The following SPTLC1 variants were observed in gnomAD, a reference collection of about 807,000 sequenced individuals.
The protein encoded by SPTLC1 is serine palmitoyltransferase long chain base subunit 1.
A neutral mutation model predicts 68.9 loss-of-function variants in SPTLC1; 55 were observed. The ratio of observed to expected loss-of-function variants is 0.80; its 90% CI spans 0.64 to 1.00. The LOEUF is 1.00. Among genes scored for constraint, SPTLC1 ranks in the 50% least tolerant of loss-of-function variants. The probability of loss-of-function intolerance (pLI) is 0.00; values close to 1 mark genes in which losing one functional copy is unlikely to be tolerated. For missense variants in SPTLC1, 449 were observed against 573.1 expected, an observed-to-expected ratio of 0.78 and a Z score of 2.21; for synonymous variants, 197 against 201.6, an observed-to-expected ratio of 0.98 and a Z score of 0.19.
intron 12 of SPTLC1, among the ~76,000 whole-genome samples, chr9:92,044,696 CT>C (rs1386361730): frequency 2.0e-5 from 3 of 152,056 alleles, no homozygotes; most frequent in African/African-American, 4.8e-5. Context: ...GCACTCAGTC[CT>C]TAAAAAAAGG....
At chr9:92,079,317 C>A in intron 5 of SPTLC1, 1 of 1,176,880 alleles carries the variant, frequency 8.5e-7, no homozygotes, top group Non-Finnish European at 1.1e-6. Flanking sequence ...CTCAGGTGAT[C>A]TGCCTGCCTC....
chr9:92,075,402 T>C (rs1834647619), intron 5 of SPTLC1, among the ~76,000 whole-genome samples: 1 of 151,956 alleles, frequency 6.6e-6, no homozygotes, highest in African/African-American at 2.4e-5. Context: ...AACCCACAGA[T>C]CCTAAATCCT....
chr9:92,080,946 G>GT lies in SPTLC1; in HGVS notation c.277dup (p.Thr93AsnfsTer15), dbSNP rs746304060. The GT allele has an allele frequency of 8.1e-6, 13 of 1,614,044 alleles. No individual in the cohort carries two copies. The highest frequency in any genetic ancestry group is 1.0e-5 in the Non-Finnish European group (12 of 1,179,918). ...TATACATTCTTTTCCATTCACCACA[G>GT]TTTTGTGGCTTGGAGGGCTAGGGAA... On this transcript the variant is annotated frameshift_variant, in exon 4 of 15. Transcript: ENST00000262554. LOFTEE classifies it high-confidence loss of function.
chr9:92,087,516 C>A (rs1012875589), intron 3 of SPTLC1, among the ~76,000 whole-genome samples: 2 of 152,284 alleles, frequency 1.3e-5, no homozygotes, highest in African/African-American at 4.8e-5. Context: ...CACTCCAGAC[C>A]CTATTTGCCT....
intron 5 of SPTLC1, among the ~76,000 whole-genome samples, chr9:92,072,999 C>A (rs1834552766): frequency 6.6e-6 from 1 of 151,774 alleles, no homozygotes; most frequent in South Asian, 2.1e-4. Context: ...CCCCTCAGAA[C>A]CGAGTTCTAC....
intron 9 of SPTLC1, 111 bp downstream of exon 9, chr9:92,049,849 C>T (rs1833647754): frequency 2.3e-6 from 2 of 851,820 alleles, no homozygotes; most frequent in Admixed American, 1.8e-5. Flanking sequence ...TTTCGTGACC[C>T]TTCAAACTGA....
chr9:92,108,838 C>T lies in SPTLC1; in HGVS notation c.166-4G>A. 2.5e-6 allele frequency: 4 copies of T among 1,580,500 alleles called. No homozygotes were observed. The highest frequency in any genetic ancestry group is 1.1e-5 in the South Asian group (1 of 88,544). On this transcript the variant is annotated splice_region_variant and splice_polypyrimidine_tract_variant and intron_variant, in intron 2 of 14. Coordinates refer to ENST00000262554, the MANE Select transcript of SPTLC1 (RefSeq NM_006415.4). ...CTTCAATCAGTTCTTCTTTTTCCTA[C>T]AGGAGAAAAAGAATTAAAATACAGT...
At chr9:92,038,163 T>C in intron 13 of SPTLC1, 85 bp downstream of exon 13, 1 of 934,346 alleles carries the variant, frequency 1.1e-6, no homozygotes, top group Non-Finnish European at 1.8e-6. Context: ...CAAAGAGACT[T>C]TTCTTAAAAA....
chr9:92,092,362 A>G (rs1835391921), intron 3 of SPTLC1, among the ~76,000 whole-genome samples: 1 of 152,200 alleles, frequency 6.6e-6, no homozygotes, highest in South Asian at 2.1e-4. Context: ...AAACTCAAGG[A>G]AAACATTATG....
intron 3 of SPTLC1, among the ~76,000 whole-genome samples, chr9:92,087,896 C>T (rs1245506099): frequency 1.3e-5 from 2 of 152,268 alleles, no homozygotes; most frequent in African/African-American, 4.8e-5. Context: ...TGGTGGGCTC[C>T]ACCCAGTTCG....
intron 3 of SPTLC1, among the ~76,000 whole-genome samples, chr9:92,097,899 T>A (rs1835589878): frequency 6.6e-6 from 1 of 152,194 alleles, no homozygotes; most frequent in South Asian, 2.1e-4. Context: ...GGTAAATAGA[T>A]TATATATCAA....
At chr9:92,086,490 C>T (rs1835137988) in intron 3 of SPTLC1, among the ~76,000 whole-genome samples, 1 of 152,116 alleles carries the variant, frequency 6.6e-6, no homozygotes, top group Non-Finnish European at 1.5e-5. Flanking sequence ...TTTATTTCTC[C>T]TTCACTTACG....
intron 5 of SPTLC1, among the ~76,000 whole-genome samples, chr9:92,072,276 C>G (rs934505136): frequency 6.6e-6 from 1 of 152,210 alleles, no homozygotes; most frequent in African/African-American, 2.4e-5. Context: ...GTCTACGGAT[C>G]GGGTAAGCTG....
At chr9:92,079,963 G>T (rs1239653671) in intron 5 of SPTLC1, 53 bp downstream of exon 5, 6 of 1,485,168 alleles carry the variant, frequency 4.0e-6, no homozygotes, top group South Asian at 3.4e-5. Flanking sequence ...GCCTAAAATT[G>T]AATCTTAACT....
intron 6 of SPTLC1, among the ~76,000 whole-genome samples, chr9:92,065,058 C>T (rs1031615242): frequency 2.0e-5 from 3 of 152,122 alleles, no homozygotes; most frequent in African/African-American, 7.2e-5. Flanking sequence ...TGAAACTGTT[C>T]GTTTTGCAAG....
intron 5 of SPTLC1, 119 bp from the exon 6 acceptor site, chr9:92,068,217 T>C: frequency 1.1e-6 from 1 of 949,170 alleles, no homozygotes; most frequent in Non-Finnish European, 1.6e-6. Context: ...ATGGCCAAAA[T>C]GGAATTGTTT....
At chr9:92,099,530 AG>A (rs1835667526) in intron 3 of SPTLC1, among the ~76,000 whole-genome samples, 1 of 148,754 alleles carries the variant, frequency 6.7e-6, no homozygotes, top group Non-Finnish European at 1.5e-5. Context: ...CCCAGGATGG[AG>A]CACAGTGGCA....
At chr9:92,045,792 G>C (rs375735408) in intron 12 of SPTLC1, among the ~76,000 whole-genome samples, 113 of 152,150 alleles carry the variant, frequency 7.4e-4, no homozygotes, top group African/African-American at 2.7e-3. Flanking sequence ...TAATGAGTTT[G>C]TTTCATTTTC....
chr9:92,068,858 C>T (rs765108691), intron 5 of SPTLC1, among the ~76,000 whole-genome samples: 15 of 152,130 alleles, frequency 9.9e-5, no homozygotes, highest in South Asian at 2.1e-4. Context: ...AATAAATAGG[C>T]CACTGGCCAG....
Sources: gnomAD v4.1 joint callset for allele counts (sites outside exome capture counted in the v4.1 genomes callset) on GRCh38, gnomAD v4.1.1 for gene constraint, MANE v1.5 for transcripts, NCBI Gene and HGNC (gene_info 2026-07-23, HGNC 2026-07-21) for gene names.